The following PAPPA2 variants were observed in gnomAD, a reference collection of about 807,000 sequenced individuals.
PAPPA2 encodes the protein pappalysin 2, also known as pappalysin-2.
Under a neutral mutation model 176.4 loss-of-function variants are expected in PAPPA2, and 86 were observed. The ratio of observed to expected loss-of-function variants is 0.49; its 90% CI spans 0.41 to 0.58. The LOEUF (loss-of-function observed/expected upper bound fraction) is 0.58, where lower values mean the gene tolerates loss of function less well. Ranked by LOEUF, PAPPA2 falls within the 20% of genes least tolerant of loss-of-function variation. PAPPA2 has a pLI of 0.00. For missense variants in PAPPA2, 2,073 were observed against 2,256.9 expected, an observed-to-expected ratio of 0.92 and a Z score of 1.65; for synonymous variants, 809 against 852.2, an observed-to-expected ratio of 0.95 and a Z score of 0.88.
intron 21 of PAPPA2, among the ~76,000 whole-genome samples, chr1:176,812,939 C>A (rs910507950): frequency 1.1e-4 from 17 of 152,224 alleles, no homozygotes; most frequent in African/African-American, 3.9e-4. Flanking sequence ...TCTCCCTCCC[C>A]CAACCAACCT....
At chr1:176,468,023 T>A (rs1352074612) in intron 1 of PAPPA2, among the ~76,000 whole-genome samples, 1 of 152,178 alleles carries the variant, frequency 6.6e-6, no homozygotes, top group Non-Finnish European at 1.5e-5. Flanking sequence ...GTGACCATTA[T>A]AAAGTGGACA....
intron 1 of PAPPA2, among the ~76,000 whole-genome samples, chr1:176,498,157 T>C (rs1258818933): frequency 1.3e-5 from 2 of 152,224 alleles, no homozygotes; most frequent in South Asian, 2.1e-4. Context: ...TTCTTTTTTT[T>C]CTTTTTCTTT....
chr1:176,659,348 CATTCCTTGGCTTGTAGCTGAT>C (rs1468510125), intron 3 of PAPPA2, among the ~76,000 whole-genome samples: 2 of 152,156 alleles, frequency 1.3e-5, no homozygotes, highest in East Asian at 3.9e-4. Flanking sequence ...TAGTCTCAGG[CATTCCTTGGCTTGTAGCTGAT>C]ATTCATTCTG....
In PAPPA2 at chr1:176,654,272, T is replaced by A. The variant is rs533288005; in HGVS notation, c.1992-16698T>A. Among the ~76,000 whole-genome samples the A allele has an allele frequency of 2.6e-5, 4 of 151,794 alleles. 1 individual carries two copies. Among genetic ancestry groups the A allele is most frequent in the Admixed American group, 1.3e-4 (2 of 15,198 alleles). ...GGGTCCAATTTCATTCTTCTGCATATGGCAATCCAACTTTCTAAGCAACAT... is the reference window on the plus strand; with the variant it reads ...GGGTCCAATTTCATTCTTCTGCATAAGGCAATCCAACTTTCTAAGCAACAT... On this transcript the variant is annotated intron_variant, in intron 3 of 22. Coordinates refer to ENST00000367662, the MANE Select transcript of PAPPA2 (RefSeq NM_020318.3).
At chr1:176,540,487 A>G (rs1417521449) in intron 1 of PAPPA2, among the ~76,000 whole-genome samples, 1 of 152,056 alleles carries the variant, frequency 6.6e-6, no homozygotes, top group Non-Finnish European at 1.5e-5. Flanking sequence ...CAATTTATAC[A>G]CTCTGTGTCT....
intron 1 of PAPPA2, among the ~76,000 whole-genome samples, chr1:176,506,053 C>A (rs1049503880): frequency 1.3e-5 from 2 of 152,056 alleles, no homozygotes; most frequent in African/African-American, 4.8e-5. Context: ...CAATTTCATT[C>A]TTCTGTGTGT....
chr1:176,490,301 T>A (rs1652836228), intron 1 of PAPPA2, among the ~76,000 whole-genome samples: 2 of 152,198 alleles, frequency 1.3e-5, no homozygotes, highest in African/African-American at 4.8e-5. Flanking sequence ...GGGAATTTAA[T>A]AAAAACAAGA....
chr1:176,561,686 C>G (rs987635109), intron 2 of PAPPA2, among the ~76,000 whole-genome samples: 2 of 152,198 alleles, frequency 1.3e-5, no homozygotes, highest in African/African-American at 4.8e-5. Flanking sequence ...GGCCATAAAA[C>G]CTTTTGAAAA....
intron 17 of PAPPA2, among the ~76,000 whole-genome samples, chr1:176,775,051 T>C (rs1261596786): frequency 6.6e-6 from 1 of 152,164 alleles, no homozygotes; most frequent in Admixed American, 6.5e-5. Context: ...AGGTATGATG[T>C]TGTCCAGGAA....
intron 9 of PAPPA2, among the ~76,000 whole-genome samples, chr1:176,705,217 A>G (rs1660828913): frequency 6.6e-6 from 1 of 152,208 alleles, no homozygotes; most frequent in Admixed American, 6.5e-5. Context: ...TTGCATTTAT[A>G]TAGAAAAATG....
At chr1:176,687,684 GGAT>G (rs1401171636) in intron 4 of PAPPA2, among the ~76,000 whole-genome samples, 1 of 152,012 alleles carries the variant, frequency 6.6e-6, no homozygotes, top group Non-Finnish European at 1.5e-5. Context: ...TAGGATGTGG[GGAT>G]ATTTGATGTT....
At position 176,765,667 on chromosome 1, in the gene PAPPA2, T is replaced by C; in HGVS notation, c.4153T>C (p.Cys1385Arg). 1.2e-6 allele frequency: 2 copies of C among 1,613,846 alleles called. No individual in the cohort carries two copies. Among genetic ancestry groups the C allele is most frequent in the South Asian group, 1.1e-5 (1 of 91,042 alleles). The change falls in exon 15 of 23, where the codon TGT becomes CGT. Residue 1385 changes from cysteine to arginine, a missense_variant and splice_region_variant. Transcript: ENST00000367662. ...ATGGTTCTATTTCTCTTATCCCAGC[T>C]GTATCCATCGGCCCTGTGGGAAGCA... ...DEGQNHQGQS[C>R]IHRPCGKQDS...
At chr1:176,623,778 T>G (rs1370237035) in intron 3 of PAPPA2, among the ~76,000 whole-genome samples, 1 of 117,180 alleles carries the variant, frequency 8.5e-6, no homozygotes, top group Non-Finnish European at 1.8e-5. Flanking sequence ...TTTCTTTCTT[T>G]CTTTCTTTCT....
At chr1:176,827,026 G>A (rs1160951878) in intron 21 of PAPPA2, among the ~76,000 whole-genome samples, 2 of 152,182 alleles carry the variant, frequency 1.3e-5, no homozygotes, top group African/African-American at 4.8e-5. Flanking sequence ...TCATAGATAA[G>A]CCTTCATCTC....
intron 3 of PAPPA2, among the ~76,000 whole-genome samples, chr1:176,661,384 A>G (rs747816778): frequency 4.0e-5 from 6 of 151,772 alleles, no homozygotes; most frequent in Non-Finnish European, 7.4e-5. Context: ...AGATTATGGA[A>G]CTGGTCTGCA....
rs149559538 is a variant in PAPPA2, at chr1:176,521,218, T to C, written c.-916-34189T>C. 7.2e-4 allele frequency among the ~76,000 whole-genome samples: 109 copies of C among 152,324 alleles called. No individual in the cohort carries two copies. In the Middle Eastern group the frequency reaches 0.01, roughly 14 times the overall value. On this transcript the variant is annotated intron_variant, in intron 1 of 22. Coordinates refer to ENST00000367662, the MANE Select transcript of PAPPA2 (RefSeq NM_020318.3). The stretch of plus-strand genomic sequence containing the variant: ...ATTCTTCCCATTAAGAAGCAAAGTT[T>C]ATTTTCCTTCCTCTTGGACTTCGCC...
At chr1:176,485,041 T>A (rs1160487221) in intron 1 of PAPPA2, among the ~76,000 whole-genome samples, 1 of 152,240 alleles carries the variant, frequency 6.6e-6, no homozygotes, top group Non-Finnish European at 1.5e-5. Flanking sequence ...AAAAGAGTTG[T>A]TGATTTTTCA....
chr1:176,475,688 G>GA (rs1243283845), intron 1 of PAPPA2, among the ~76,000 whole-genome samples: 3 of 152,190 alleles, frequency 2.0e-5, no homozygotes, highest in Admixed American at 2.0e-4. Context: ...ACTGGGCCAA[G>GA]AAAATAACCC....
At chr1:176,536,188 C>T (rs1650057939) in intron 1 of PAPPA2, among the ~76,000 whole-genome samples, 1 of 152,212 alleles carries the variant, frequency 6.6e-6, no homozygotes, top group Admixed American at 6.5e-5. Context: ...CAGTCACTTA[C>T]TTGCTTTGTC....
Sources: allele counts gnomAD v4.1 joint callset (sites outside exome capture counted in the v4.1 genomes callset), GRCh38; gene constraint gnomAD v4.1.1; transcripts MANE v1.5; gene names NCBI Gene and HGNC (gene_info 2026-07-23, HGNC 2026-07-21).